Variants in NAV3 observed in about 807,000 individuals in gnomAD.
The protein encoded by NAV3 is pore membrane and/or filament interacting like protein 1.
NAV3 carries 87 observed loss-of-function variants against 244.7 expected under a neutral mutation model. The ratio of observed to expected loss-of-function variants is 0.36; its 90% CI spans 0.30 to 0.42. NAV3 has a LOEUF of 0.42. Among genes scored for constraint, NAV3 ranks in the 20% least tolerant of loss-of-function variants. The pLI, the probability that NAV3 is intolerant of heterozygous loss-of-function variation, is 1.00. For synonymous variants in NAV3, 1,126 were observed against 1,042.2 expected (o/e 1.08, Z -1.55); for missense variants, 2,663 against 2,893.3 (o/e 0.92, Z 1.83).
chr12:77,605,368 CT>C (rs1188843426), intron 2 of NAV3, among the ~76,000 whole-genome samples: 4 of 152,034 alleles, frequency 2.6e-5, no homozygotes, highest in African/African-American at 9.7e-5. Flanking sequence ...GCCCACTTTT[CT>C]TTATATGAGA....
At chr12:77,926,416 T>G (rs909248696) in intron 1 of NAV3, among the ~76,000 whole-genome samples, 1 of 152,148 alleles carries the variant, frequency 6.6e-6, no homozygotes, top group Non-Finnish European at 1.5e-5. Flanking sequence ...TTACAAAGCA[T>G]TTCTTCCTAG....
intron 1 of NAV3, among the ~76,000 whole-genome samples, chr12:77,840,555 T>C (rs1374797788): frequency 3.3e-5 from 5 of 152,146 alleles, no homozygotes; most frequent in Admixed American, 1.3e-4. Context: ...TCATCAGCAA[T>C]CCAAAAATTC....
intron 34 of NAV3, among the ~76,000 whole-genome samples, chr12:78,196,501 T>C (rs1241368395): frequency 6.6e-6 from 1 of 152,010 alleles, no homozygotes; most frequent in Non-Finnish European, 1.5e-5. Flanking sequence ...ATGTTCTTAC[T>C]GATTAGGATA....
At chr12:78,017,948 C>G (rs867520839) in intron 8 of NAV3, among the ~76,000 whole-genome samples, 1 of 152,102 alleles carries the variant, frequency 6.6e-6, no homozygotes, top group Non-Finnish European at 1.5e-5. Flanking sequence ...GGTGGAAATA[C>G]TAGAGAAACG....
intron 2 of NAV3, among the ~76,000 whole-genome samples, chr12:77,623,383 GT>G: frequency 6.6e-6 from 1 of 152,238 alleles, no homozygotes; most frequent in East Asian, 1.9e-4. Flanking sequence ...TTTTGAATTG[GT>G]TTTGAATTTG....
chr12:78,084,187 A>G (rs1953505724), intron 12 of NAV3, among the ~76,000 whole-genome samples: 1 of 152,216 alleles, frequency 6.6e-6, no homozygotes, highest in East Asian at 1.9e-4. Flanking sequence ...TTTCTCCTCA[A>G]ATTTCCAGTC....
intron 1 of NAV3, among the ~76,000 whole-genome samples, chr12:77,887,482 A>G (rs1883428730): frequency 6.6e-6 from 1 of 152,112 alleles, no homozygotes; most frequent in African/African-American, 2.4e-5. Context: ...ATTGAAATTC[A>G]TATTTATTTT....
At chr12:77,600,435 C>T (rs1870372948) in intron 2 of NAV3, among the ~76,000 whole-genome samples, 1 of 151,900 alleles carries the variant, frequency 6.6e-6, no homozygotes, top group Non-Finnish European at 1.5e-5. Context: ...TCATTTGTCA[C>T]CTTCAAGTCT....
At chr12:77,827,507 G>C (rs1202722718), upstream of NAV3, among the ~76,000 whole-genome samples, 1 of 152,046 alleles carries the variant, frequency 6.6e-6, no homozygotes, top group Non-Finnish European at 1.5e-5. Context: ...GCTTTAGAAG[G>C]TATTTCAAAG....
At chr12:78,180,830 A>G (rs1398976510) in intron 29 of NAV3, 41 bp from the exon 30 acceptor site, 8 of 1,549,548 alleles carry the variant, frequency 5.2e-6, no homozygotes, top group African/African-American at 1.4e-5. Flanking sequence ...TTCTCAATCA[A>G]ACCAACTCAG....
intron 2 of NAV3, among the ~76,000 whole-genome samples, chr12:77,819,917 C>A (rs1872666790): frequency 6.6e-6 from 1 of 152,142 alleles, no homozygotes; most frequent in Non-Finnish European, 1.5e-5. Flanking sequence ...GCAACTACTT[C>A]TGTTGCTGTC....
intron 1 of NAV3, among the ~76,000 whole-genome samples, chr12:77,926,184 G>A (rs1888197458): frequency 6.6e-6 from 1 of 151,964 alleles, no homozygotes. Context: ...TATGTTTTTA[G>A]CCTAAGTGAA....
intron 9 of NAV3, among the ~76,000 whole-genome samples, chr12:78,039,561 A>C (rs980180647): frequency 1.4e-4 from 22 of 152,142 alleles, no homozygotes; most frequent in African/African-American, 4.8e-4. Context: ...TGTACTCTAC[A>C]TAACATTTGT....
intron 1 of NAV3, among the ~76,000 whole-genome samples, chr12:77,846,416 G>A (rs1391776198): frequency 6.6e-6 from 1 of 152,154 alleles, no homozygotes; most frequent in Non-Finnish European, 1.5e-5. Context: ...CGAAAATGTT[G>A]GAAGAATAAA....
At chr12:78,043,364 C>T (rs1450430432) in intron 9 of NAV3, among the ~76,000 whole-genome samples, 2 of 152,102 alleles carry the variant, frequency 1.3e-5, no homozygotes, top group Non-Finnish European at 2.9e-5. Context: ...CAAGTCTTTG[C>T]TATTGTGAAC....
At position 78,146,379 on chromosome 12, in the gene NAV3, A is replaced by G; in HGVS notation, c.4694A>G (p.Lys1565Arg). 1.8e-6 allele frequency: 2 copies of G among 1,092,864 alleles called. No individual in the cohort carries two copies. Among genetic ancestry groups the G allele is most frequent in the Non-Finnish European group, 2.5e-6 (2 of 798,046 alleles). 67.7% of individuals were successfully genotyped at this position (1,092,864 alleles called of 1,614,324 possible). A position where few individuals can be genotyped will look rare whatever the true frequency, so the allele number is the denominator to read the frequency against. ...TTTATTGTTTTACAGGCTGAAGAAA[A>G]GGCTCATTCAGAGGTAAAAAAAAAA... is the stretch of plus-strand genomic sequence containing the variant. Reference protein sequence around the residue: ...TSSLYSTAEEKAHSEQIHKLR... With the variant: ...TSSLYSTAEERAHSEQIHKLR... The change falls in exon 21 of 40, where the codon AAG becomes AGG. Residue 1565 changes from lysine to arginine, a missense_variant. Transcript: ENST00000397909.
chr12:77,939,115 G>A (rs1293685405), intron 1 of NAV3, among the ~76,000 whole-genome samples: 1 of 152,040 alleles, frequency 6.6e-6, no homozygotes, highest in Non-Finnish European at 1.5e-5. Flanking sequence ...TTTTTTAAAT[G>A]TGAATTTGCT....
intron 12 of NAV3, chr12:78,088,649 C>T (rs763156477): frequency 2.0e-5 from 3 of 152,134 alleles, no homozygotes. Context: ...TAATCCGGAA[C>T]TCTATATAAA....
chr12:77,895,331 G>GTGTGTGTT (rs990167749), intron 1 of NAV3, among the ~76,000 whole-genome samples: 1 of 151,850 alleles, frequency 6.6e-6, no homozygotes, highest in African/African-American at 2.4e-5. Flanking sequence ...GTGTGTGTGT[G>GTGTGTGTT]TGTGTGTTTA....
Sources: allele counts gnomAD v4.1 joint callset (sites outside exome capture counted in the v4.1 genomes callset), GRCh38; gene constraint gnomAD v4.1.1; transcripts MANE v1.5; gene names NCBI Gene and HGNC (gene_info 2026-07-23, HGNC 2026-07-21).